Variants in TOPBP1 observed in about 807,000 individuals in gnomAD.
The protein encoded by TOPBP1 is DNA topoisomerase II binding protein 1.
Under a neutral mutation model 167.7 loss-of-function variants are expected in TOPBP1, and 28 were observed. The ratio of observed to expected loss-of-function variants is 0.17; its 90% CI spans 0.12 to 0.23. The LOEUF (loss-of-function observed/expected upper bound fraction) is 0.23. Among genes scored for constraint, TOPBP1 ranks in the 10% least tolerant of loss-of-function variants. The probability of loss-of-function intolerance (pLI) is 1.00; values close to 1 mark genes in which losing one functional copy is unlikely to be tolerated. For missense variants in TOPBP1, 1,554 were observed against 1,809.6 expected (o/e 0.86, Z 2.56); for synonymous variants, 598 against 611.4 (o/e 0.98, Z 0.32).
intron 27 of TOPBP1, among the ~76,000 whole-genome samples, chr3:133,601,904 A>G (rs1306853865): frequency 6.6e-6 from 1 of 152,228 alleles, no homozygotes; most frequent in Non-Finnish European, 1.5e-5. Flanking sequence ...AATACCAAGT[A>G]AGTGCCTTTT....
chr3:133,643,068 G>T (rs1343345364), intron 12 of TOPBP1, 132 bp downstream of exon 12: 1 of 796,110 alleles, frequency 1.3e-6, no homozygotes, highest in Non-Finnish European at 1.8e-6. Context: ...AGTGGGAGTG[G>T]AGAAGGAACC....
At position 133,661,782 on chromosome 3, in the gene TOPBP1, C is replaced by CG. The variant is rs1936728899; in HGVS notation, c.-22dup. 6.6e-6 allele frequency: 1 copy of CG among 152,238 alleles called. No individual in the cohort carries two copies. The highest frequency in any genetic ancestry group is 2.4e-5 in the African/African-American group (1 of 41,454). 9.4% of individuals were successfully genotyped at this position (152,238 alleles called of 1,614,324 possible). A position where few individuals can be genotyped will look rare whatever the true frequency, so the allele number is the denominator to read the frequency against. The stretch of plus-strand genomic sequence containing the variant: ...CGCCTCACTTACCTCGTTGGAGCCT[C>CG]GGGGTCTCCGGGCGGCGAGTCGGGG... On this transcript the variant is annotated 5_prime_UTR_variant, in exon 1 of 28. Transcript: ENST00000260810.
chr3:133,645,834 A>G (rs1483750142), intron 10 of TOPBP1, among the ~76,000 whole-genome samples: 1 of 152,178 alleles, frequency 6.6e-6, no homozygotes, highest in African/African-American at 2.4e-5. Flanking sequence ...GAGATACTAC[A>G]TAATAAACCT....
At chr3:133,630,799 G>GGAGT (rs1260651714) in intron 14 of TOPBP1, among the ~76,000 whole-genome samples, 1 of 152,028 alleles carries the variant, frequency 6.6e-6, no homozygotes, top group Non-Finnish European at 1.5e-5. Context: ...TATTTCTTTT[G>GGAGT]GAGTGTATGT....
chr3:133,620,381 A>C (rs751089777), intron 19 of TOPBP1, 34 bp from the exon 20 acceptor site: 21 of 1,589,494 alleles, frequency 1.3e-5, no homozygotes, highest in Non-Finnish European at 1.8e-5. Context: ...ATTCAAGGTA[A>C]GTTCCTCTTT....
intron 6 of TOPBP1, among the ~76,000 whole-genome samples, chr3:133,654,333 T>A (rs1224451581): frequency 6.6e-6 from 1 of 152,226 alleles, no homozygotes; most frequent in Non-Finnish European, 1.5e-5. Context: ...AAAATATGTA[T>A]CTTTTATTAC....
chr3:133,647,186 T>C (rs1361211396), intron 10 of TOPBP1, among the ~76,000 whole-genome samples: 1 of 152,146 alleles, frequency 6.6e-6, no homozygotes, highest in Non-Finnish European at 1.5e-5. Context: ...TCAAGAACAC[T>C]GGCTTTGTGT....
At position 133,628,676 on chromosome 3, in the gene TOPBP1, T is replaced by G. The variant is rs373196410; in HGVS notation, c.2578A>C (p.Ser860Arg). 7.3e-5 allele frequency: 115 copies of G among 1,565,216 alleles called. No homozygotes were observed. In the African/African-American group the frequency reaches 8.8e-4, roughly 12 times the overall value. ...GRPSQQKRKP[S>R]TPLSEVIVKN... is the part of the protein sequence containing the mutation. ...ACAATAACTTCTGAGAGTGGCGTAC[T>G]CGGTTTCCTTTTCTGTTGGCTGGGA... Residue 860 changes from serine (S) to arginine (R), a missense_variant, in exon 15 of 28, where the codon AGT (serine) becomes CGT (arginine). This residue lies in a region of TOPBP1 where 1,197 missense variants were observed against 1,351.5 expected (regional missense o/e 0.89). Transcript: ENST00000260810.
At position 133,644,352 on chromosome 3, in the gene TOPBP1, T is replaced by A; in HGVS notation, c.1516A>T (p.Thr506Ser). Reference sequence around the variant, plus strand: ...TCATTAAAGGGCCTGGCTTCAGACGTCTTAGCCTCAACTGAAAGAGAAAAG... The same window carrying A: ...TCATTAAAGGGCCTGGCTTCAGACGACTTAGCCTCAACTGAAAGAGAAAAG... ...NGSSTVVEAK[T>S]SEARPFNDST... Residue 506 changes from threonine (T) to serine (S), a missense_variant, in exon 11 of 28, where the codon ACG (threonine) becomes TCG (serine). Physicochemically the swap from Thr to Ser is moderately conservative, Grantham distance 58 (BLOSUM62 1). Coordinates refer to ENST00000260810, the MANE Select transcript of TOPBP1 (RefSeq NM_007027.4). The A allele has an allele frequency of 6.4e-7, 1 of 1,566,578 alleles. No homozygotes were observed.
At chr3:133,609,136 G>A (rs1236335322) in intron 25 of TOPBP1, among the ~76,000 whole-genome samples, 174 bp from the exon 26 acceptor site, 2 of 152,236 alleles carry the variant, frequency 1.3e-5, no homozygotes, top group African/African-American at 4.8e-5. Context: ...ATGGTATCTG[G>A]CACATAGTAG....
rs1176508323 is a variant in TOPBP1, at chr3:133,623,303, TCTC to T, written c.3075+5_3075+7del. 1.2e-6 allele frequency: 2 copies of T among 1,613,464 alleles called. No homozygotes were observed. Among genetic ancestry groups the T allele is most frequent in the Non-Finnish European group, 1.7e-6 (2 of 1,179,716 alleles). On this transcript the variant is annotated splice_donor_5th_base_variant and intron_variant, in intron 18 of 27. Coordinates refer to ENST00000260810, the MANE Select transcript of TOPBP1 (RefSeq NM_007027.4). The stretch of plus-strand genomic sequence containing the variant: ...AGAGGGGGTAAATGTATCATCCATA[TCTC>T]CTACCTCATCATCCTTTGTTGAAGA...
Position 133,616,831 on chromosome 3 carries a change from T to C in TOPBP1, c.3854A>G (p.His1285Arg). Residue 1285 changes from histidine (H) to arginine (R), a missense_variant, in exon 23 of 28, where the codon CAT (histidine) becomes CGT (arginine). His to Arg is a conservative substitution (Grantham distance 29, BLOSUM62 0). Coordinates refer to ENST00000260810, the MANE Select transcript of TOPBP1 (RefSeq NM_007027.4). ...LNPQERIDYCHLIEKLGGLVI... is the reference protein window; with the variant it reads ...LNPQERIDYCRLIEKLGGLVI... ...ACTGGTACCTAGTTTCTCAATCAGA[T>C]GACAATAGTCAATACGTTCTTGAGG... 6.5e-7 allele frequency: 1 copy of C among 1,529,448 alleles called. No homozygotes were observed. The highest frequency in any genetic ancestry group is 8.7e-7 in the Non-Finnish European group (1 of 1,143,572). The allele number at this position is 1,529,448 out of a possible 1,614,324, so 94.7% of individuals were successfully genotyped here.
At chr3:133,625,726 C>T (rs1325392515) in intron 16 of TOPBP1, among the ~76,000 whole-genome samples, 1 of 151,022 alleles carries the variant, frequency 6.6e-6, no homozygotes, top group African/African-American at 2.4e-5. Flanking sequence ...AGCAAAACTC[C>T]CTCTCAAAAA....
In TOPBP1 at chr3:133,652,726, A is replaced by T; in HGVS notation, c.923-97T>A. Reference sequence around the variant, plus strand: ...CTTTTCTTACAAATATAGGGCAATAAACAACTTCCAAAGTAAGATTCAGGG... The same window carrying T: ...CTTTTCTTACAAATATAGGGCAATATACAACTTCCAAAGTAAGATTCAGGG... On this transcript the variant is annotated intron_variant, in intron 7 of 27. Coordinates refer to ENST00000260810, the MANE Select transcript of TOPBP1 (RefSeq NM_007027.4). The T allele has an allele frequency of 3.0e-6, 3 of 999,798 alleles. No individual in the cohort carries two copies. The Middle Eastern group carries it at 1.0e-3, about 334-fold the overall frequency. 61.9% of individuals were successfully genotyped at this position (999,798 alleles called of 1,614,324 possible).
chr3:133,652,059 G>C (rs1457510470), intron 8 of TOPBP1, among the ~76,000 whole-genome samples: 1 of 151,918 alleles, frequency 6.6e-6, no homozygotes, highest in African/African-American at 2.4e-5. Flanking sequence ...ATGCCCAGGA[G>C]TTCAAGGTTA....
Position 133,628,402 on chromosome 3 carries a change from CACTCTGCTTCTT to C in TOPBP1, c.2752_2763del (p.Lys918_Ser921del). The C allele has an allele frequency of 6.2e-7, 1 of 1,608,746 alleles. No individual in the cohort carries two copies. Among genetic ancestry groups the C allele is most frequent in the Non-Finnish European group, 8.5e-7 (1 of 1,177,320 alleles). On this transcript the variant is annotated inframe_deletion, in exon 16 of 28. Transcript: ENST00000260810. The stretch of plus-strand genomic sequence containing the variant: ...AGAGAGGCTGCGATCCCATTTAGTT[CACTCTGCTTCTT>C]ACTGAGTTTTTTACTAACACATACC...
chr3:133,649,414 G>A lies in TOPBP1; in HGVS notation c.1473C>T (p.Leu491=). The part of the protein sequence containing the change: ...EKHEQADEDL[L]SQYENGSSTV... ...TGGAGCTACCATTTTCATATTGAGA[G>A]AGCAGATCTTCATCAGCTTGCTCAT... The change falls in exon 10 of 28, where the codon CTC becomes CTT. Residue 491 remains leucine (L), a synonymous_variant. Transcript: ENST00000260810. 1 of 1,613,574 alleles carries A rather than the reference G, an allele frequency of 6.2e-7. No homozygotes were observed. The highest frequency in any genetic ancestry group is 1.7e-5 in the Admixed American group (1 of 59,986).
chr3:133,625,849 C>A (rs1316587727), intron 16 of TOPBP1, among the ~76,000 whole-genome samples: 1 of 152,158 alleles, frequency 6.6e-6, no homozygotes, highest in Non-Finnish European at 1.5e-5. Flanking sequence ...TAAAAATACA[C>A]CTTGCCTAAT....
intron 17 of TOPBP1, 137 bp from the exon 18 acceptor site, chr3:133,623,594 T>C: frequency 1.0e-6 from 1 of 993,790 alleles, no homozygotes. Context: ...AAAAGTAGTT[T>C]ACACTGAAAA....
Sources: gnomAD v4.1 joint callset for allele counts (sites outside exome capture counted in the v4.1 genomes callset) on GRCh38, gnomAD v4.1.1 for gene constraint, gnomAD v4.1.1 regional missense constraint, MANE v1.5 for transcripts, NCBI Gene and HGNC (gene_info 2026-07-23, HGNC 2026-07-21) for gene names.